The following STK3 variants were observed in gnomAD, a reference collection of about 807,000 sequenced individuals.
The protein encoded by STK3 is serine/threonine-protein kinase 3.
In STK3, 41 loss-of-function variants were observed where a neutral mutation model predicts 58.0. That is an observed-to-expected ratio of 0.71 (90% CI 0.55 to 0.92). The LOEUF (loss-of-function observed/expected upper bound fraction) is 0.92, where lower values mean the gene tolerates loss of function less well. Ranked by LOEUF, STK3 falls within the 40% of genes least tolerant of loss-of-function variation. The probability of loss-of-function intolerance (pLI) is 0.00; values close to 1 mark genes in which losing one functional copy is unlikely to be tolerated. For synonymous variants in STK3, 170 were observed against 191.0 expected (o/e 0.89, Z 0.91); for missense variants, 479 against 602.7 (o/e 0.79, Z 2.15).
chr8:98,679,631 T>C (rs1292900570), intron 6 of STK3, among the ~76,000 whole-genome samples: 2 of 152,186 alleles, frequency 1.3e-5, no homozygotes. Context: ...CCCTAGTACC[T>C]AGAATAGTCC....
At chr8:98,534,233 G>A (rs1809578523) in intron 9 of STK3, among the ~76,000 whole-genome samples, 3 of 152,148 alleles carry the variant, frequency 2.0e-5, no homozygotes, top group African/African-American at 7.2e-5. Flanking sequence ...AGCTTTAGAT[G>A]GCTAGAAAAT....
chr8:98,653,365 C>T (rs776552601), intron 6 of STK3, among the ~76,000 whole-genome samples: 43 of 151,950 alleles, frequency 2.8e-4, no homozygotes, highest in Non-Finnish European at 5.0e-4. Context: ...CACTAAATAC[C>T]CAAAAGAGAA....
chr8:98,379,179 G>A (rs1381593292), exon 2 of STK3: 1 of 152,140 alleles, frequency 6.6e-6, no homozygotes, highest in Non-Finnish European at 1.5e-5. Flanking sequence ...ATCATTAAAG[G>A]CTCTGAATTC....
intron 7 of STK3, among the ~76,000 whole-genome samples, chr8:98,587,077 T>A (rs1302478927): frequency 6.7e-6 from 1 of 149,104 alleles, no homozygotes; most frequent in Admixed American, 6.7e-5. Context: ...TTTTGAAGGG[T>A]TTTTTGTGTC....
chr8:98,924,724 T>C (rs184478875), intron 1 of STK3, among the ~76,000 whole-genome samples: 165 of 152,326 alleles, frequency 1.1e-3, no homozygotes, highest in African/African-American at 3.8e-3. Flanking sequence ...GAGGCACAGT[T>C]TAATTTACTG....
intron 1 of STK3, among the ~76,000 whole-genome samples, chr8:98,908,704 G>T (rs565026794): frequency 6.6e-6 from 1 of 150,676 alleles, no homozygotes; most frequent in African/African-American, 2.4e-5. Context: ...TTAGCCAGGC[G>T]TGGTGGCAGG....
chr8:98,762,352 T>C (rs1214957121), intron 3 of STK3, among the ~76,000 whole-genome samples: 1 of 152,128 alleles, frequency 6.6e-6, no homozygotes, highest in Non-Finnish European at 1.5e-5. Context: ...ACCTCTCGGG[T>C]TCAAGTGATT....
intron 3 of STK3, among the ~76,000 whole-genome samples, chr8:98,868,429 G>A (rs1022092210): frequency 3.9e-5 from 6 of 152,276 alleles, no homozygotes; most frequent in Non-Finnish European, 7.4e-5. Flanking sequence ...TAGGTGTGTG[G>A]CCCATTTGTT....
chr8:98,713,898 C>G (rs1469047663), intron 4 of STK3, among the ~76,000 whole-genome samples: 1 of 152,080 alleles, frequency 6.6e-6, no homozygotes, highest in African/African-American at 2.4e-5. Flanking sequence ...ACTGACAAAC[C>G]GAATCCAGCA....
intron 3 of STK3, among the ~76,000 whole-genome samples, chr8:98,831,949 A>C (rs1835545900): frequency 6.6e-6 from 1 of 152,232 alleles, no homozygotes; most frequent in African/African-American, 2.4e-5. Flanking sequence ...ATTAGCTACA[A>C]GTAACAACTC....
chr8:98,586,527 A>G (rs1469082015), intron 7 of STK3, among the ~76,000 whole-genome samples: 1 of 149,572 alleles, frequency 6.7e-6, no homozygotes, highest in African/African-American at 2.5e-5. Flanking sequence ...TTTTGCATCA[A>G]TGTTCATCAA....
chr8:98,633,787 T>G, intron 6 of STK3: 1 of 546,308 alleles, frequency 1.8e-6, no homozygotes, highest in Non-Finnish European at 3.4e-6. Context: ...CTCAAGCAAG[T>G]GTATGGTAAA....
chr8:98,828,452 A>AC (rs1835401919), upstream of STK3, among the ~76,000 whole-genome samples: 1 of 149,622 alleles, frequency 6.7e-6, no homozygotes, highest in African/African-American at 2.5e-5. Flanking sequence ...AAAAAAAAAA[A>AC]AAAAAAAAAA....
At chr8:98,753,749 AT>A (rs1183525221) in intron 3 of STK3, among the ~76,000 whole-genome samples, 3 of 152,202 alleles carry the variant, frequency 2.0e-5, no homozygotes, top group Non-Finnish European at 2.9e-5. Flanking sequence ...ACAAAAAAAA[AT>A]AACTATGTCT....
intron 1 of STK3, among the ~76,000 whole-genome samples, chr8:98,819,456 T>C (rs1009531049): frequency 8.5e-5 from 13 of 152,194 alleles, no homozygotes; most frequent in Admixed American, 2.0e-4. Flanking sequence ...AAGAGCCAAC[T>C]GACTATTCCC....
At chr8:98,748,056 C>G (rs560950368) in intron 4 of STK3, among the ~76,000 whole-genome samples, 2 of 152,244 alleles carry the variant, frequency 1.3e-5, no homozygotes, top group South Asian at 4.1e-4. Flanking sequence ...TCAAATACTT[C>G]ATATCTACTC....
In STK3 at chr8:98,490,529, ATC is replaced by A. The variant is rs1822606203; in HGVS notation, c.1318-34531_1318-34530del. Among the ~76,000 whole-genome samples, 3 of 152,186 alleles carry A rather than the reference ATC, an allele frequency of 2.0e-5. No individual in the cohort carries two copies. The South Asian group carries it at 6.2e-4, about 31-fold the overall frequency. On this transcript the variant is annotated intron_variant, in intron 10 of 10. Coordinates refer to ENST00000419617, the MANE Select transcript of STK3 (RefSeq NM_006281.4). Reference sequence around the variant, plus strand: ...AACAGCTGCATCGTATCAGTCTTTCATCTGTTTTTACACTGGTCCCAACCCCC... The same window carrying A: ...AACAGCTGCATCGTATCAGTCTTTCATGTTTTTACACTGGTCCCAACCCCC...
intron 6 of STK3, among the ~76,000 whole-genome samples, chr8:98,633,158 T>C (rs1431966256): frequency 6.6e-6 from 1 of 151,676 alleles, no homozygotes; most frequent in Non-Finnish European, 1.5e-5. Context: ...GTTCCCAAGA[T>C]AGAATGTGTA....
intron 10 of STK3, 96 bp downstream of exon 10, chr8:98,526,646 A>G: frequency 9.6e-7 from 1 of 1,042,198 alleles, no homozygotes; most frequent in Non-Finnish European, 1.3e-6. Context: ...TTGTATATAC[A>G]TACACACAGT....
Sources: gnomAD v4.1 joint callset for allele counts (sites outside exome capture counted in the v4.1 genomes callset) on GRCh38, gnomAD v4.1.1 for gene constraint, MANE v1.5 for transcripts, NCBI Gene and HGNC (gene_info 2026-07-23, HGNC 2026-07-21) for gene names.